LRIG3: variants seen among roughly 807,000 people sequenced by gnomAD.
LRIG3 encodes the protein leucine rich repeats and immunoglobulin like domains 3.
In LRIG3, 76 loss-of-function variants were observed where a neutral mutation model predicts 114.5. The observed-to-expected ratio is 0.66, with a 90% CI of 0.55 to 0.80. The LOEUF is 0.80. Ranked by LOEUF, LRIG3 falls within the 30% of genes least tolerant of loss-of-function variation. LRIG3 has a pLI of 0.00. For synonymous variants in LRIG3, 512 were observed against 519.8 expected (o/e 0.98, Z 0.20); for missense variants, 1,239 against 1,382.8 (o/e 0.90, Z 1.65).
intron 5 of LRIG3, 80 bp downstream of exon 5, chr12:58,889,916 C>T (rs1457933311): frequency 1.9e-5 from 28 of 1,512,448 alleles, no homozygotes; most frequent in Middle Eastern, 1.8e-4. Flanking sequence ...CTCCTTTTTG[C>T]CACATTGTAG....
At chr12:58,873,137 G>A (rs1592290842) in intron 18 of LRIG3, among the ~76,000 whole-genome samples, 1 of 152,254 alleles carries the variant, frequency 6.6e-6, no homozygotes, top group Admixed American at 6.5e-5. Context: ...TCCTAGCTGA[G>A]AGCCCAATTT....
Position 58,874,414 on chromosome 12 carries a change from C to T in LRIG3, c.2839+16G>A. Reference sequence around the variant, plus strand: ...TCTAAGAAACAGAACTGTACTCAAGCAAGAAAACCACCTACCTGTATGATA... The same window carrying T: ...TCTAAGAAACAGAACTGTACTCAAGTAAGAAAACCACCTACCTGTATGATA... On this transcript the variant is annotated intron_variant, in intron 17 of 18. Transcript: ENST00000320743. The T allele has an allele frequency of 6.2e-7, 1 of 1,613,826 alleles. No homozygotes were observed. Among genetic ancestry groups the T allele is most frequent in the African/African-American group, 1.3e-5 (1 of 75,000 alleles).
intron 3 of LRIG3, among the ~76,000 whole-genome samples, chr12:58,905,350 T>C (rs1872022017): frequency 6.6e-6 from 1 of 152,258 alleles, no homozygotes; most frequent in Non-Finnish European, 1.5e-5. Context: ...AATACAGCTC[T>C]GTGTATAGTA....
rs1434126851 is a variant in LRIG3 at position 58,920,391 on chromosome 12, C to G, written c.-156G>C. On this transcript the variant is annotated 5_prime_UTR_variant, in exon 1 of 19. Coordinates refer to ENST00000320743, the MANE Select transcript of LRIG3 (RefSeq NM_153377.5). Reference sequence around the variant, plus strand: ...GGTCAATTCCTTCTTTTACTCCCGGCGGCGAAGCCCTTTCATGCCCCCAAA... The same window carrying G: ...GGTCAATTCCTTCTTTTACTCCCGGGGGCGAAGCCCTTTCATGCCCCCAAA... 1.4e-5 allele frequency: 7 copies of G among 494,796 alleles called. No homozygotes were observed. The East Asian group carries it at 2.6e-4, about 18-fold the overall frequency. The allele number at this position is 494,796 out of a possible 1,614,324, so 30.7% of individuals were successfully genotyped here. A position where few individuals can be genotyped will look rare whatever the true frequency, so the allele number is the denominator to read the frequency against.
chr12:58,885,678 G>C (rs1302755176), intron 10 of LRIG3, among the ~76,000 whole-genome samples, 153 bp downstream of exon 10: 1 of 152,098 alleles, frequency 6.6e-6, no homozygotes, highest in Non-Finnish European at 1.5e-5. Flanking sequence ...GACAGAGAAA[G>C]AAATAGAAAG....
intron 1 of LRIG3, among the ~76,000 whole-genome samples, chr12:58,915,490 A>C (rs1238737149): frequency 6.6e-6 from 1 of 152,208 alleles, no homozygotes; most frequent in Non-Finnish European, 1.5e-5. Flanking sequence ...ATTAGAAATC[A>C]GAGTTCCTTT....
Position 58,887,784 on chromosome 12 carries a change from C to T in LRIG3, c.1091+5G>A. On this transcript the variant is annotated splice_donor_5th_base_variant and intron_variant, in intron 8 of 18. Transcript: ENST00000320743. ...CGAGTACTGACAGCAAAACGTGTAA[C>T]TTACAAAGTCTTTAAACTGGAAAGC... The T allele has an allele frequency of 6.2e-7, 1 of 1,612,852 alleles. No homozygotes were observed. Among genetic ancestry groups the T allele is most frequent in the Non-Finnish European group, 8.5e-7 (1 of 1,179,386 alleles).
intron 12 of LRIG3, 84 bp from the exon 13 acceptor site, chr12:58,880,985 C>A (rs1871110944): frequency 2.3e-6 from 3 of 1,314,568 alleles, no homozygotes; most frequent in Admixed American, 2.0e-5. Context: ...CCAAGAAATG[C>A]AAAAACAGTG....
chr12:58,905,556 T>A (rs553546848), intron 3 of LRIG3, among the ~76,000 whole-genome samples: 23 of 152,320 alleles, frequency 1.5e-4, no homozygotes, highest in African/African-American at 4.3e-4. Flanking sequence ...ATGTGTCCTC[T>A]CCAAAACTCA....
intron 6 of LRIG3, 56 bp from the exon 7 acceptor site, chr12:58,888,528 C>T: frequency 6.3e-7 from 1 of 1,592,452 alleles, no homozygotes; most frequent in South Asian, 1.1e-5. Context: ...CTAGTCTCTT[C>T]AAAGGGGACA....
In LRIG3 at chr12:58,877,700, C is replaced by CA; in HGVS notation, c.2235dup (p.Ala746CysfsTer16). The CA allele has an allele frequency of 6.2e-7, 1 of 1,614,084 alleles. No homozygotes were observed. On this transcript the variant is annotated frameshift_variant, in exon 15 of 19. Coordinates refer to ENST00000320743, the MANE Select transcript of LRIG3 (RefSeq NM_153377.5). LOFTEE classifies it high-confidence loss of function. ...ATAATCAGAAGCTGATTGCCTGCTG[C>CA]AAAAAAGTGCCTCTCGGTTACCACC...
chr12:58,913,196 T>C (rs748769331), intron 3 of LRIG3, among the ~76,000 whole-genome samples: 44 of 152,222 alleles, frequency 2.9e-4, no homozygotes, highest in Non-Finnish European at 5.1e-4. Flanking sequence ...TTTCCTTAAG[T>C]TGCTTAAAGA....
At chr12:58,885,754 G>A (rs1282127795) in intron 10 of LRIG3, 77 bp downstream of exon 10, 6 of 985,840 alleles carry the variant, frequency 6.1e-6, no homozygotes, top group Non-Finnish European at 8.8e-6. Context: ...ATTCCAGTTT[G>A]TTTTATCTTT....
chr12:58,918,421 A>C (rs545881967), intron 1 of LRIG3, among the ~76,000 whole-genome samples: 27 of 152,324 alleles, frequency 1.8e-4, no homozygotes, highest in Non-Finnish European at 3.4e-4. Context: ...TAAACATCTA[A>C]ATCCAGGAAA....
rs375499683 is a variant in LRIG3, at chr12:58,919,447, C to T, written c.236+553G>A. 3.2e-4 allele frequency: 497 copies of T among 1,551,570 alleles called. 3 individuals are homozygous for T. In the African/African-American group the frequency reaches 5.9e-3, roughly 18 times the overall value. ...CTTACGGTCTGCTAATGTGAAAAAGCAAGCAGAGGGAGAACAACAGAAGTA... is the reference window on the plus strand; with the variant it reads ...CTTACGGTCTGCTAATGTGAAAAAGTAAGCAGAGGGAGAACAACAGAAGTA... On this transcript the variant is annotated intron_variant, in intron 1 of 18. Coordinates refer to ENST00000320743, the MANE Select transcript of LRIG3 (RefSeq NM_153377.5).
In LRIG3 at chr12:58,914,351, A is replaced by G. The variant is rs747307876; in HGVS notation, c.237-15T>C. 3 of 1,597,412 alleles carry G rather than the reference A, an allele frequency of 1.9e-6. No homozygotes were observed. The Admixed American group carries it at 5.0e-5, about 27-fold the overall frequency. On this transcript the variant is annotated splice_polypyrimidine_tract_variant and intron_variant, in intron 1 of 18. Coordinates refer to ENST00000320743, the MANE Select transcript of LRIG3 (RefSeq NM_153377.5). ...GACTTAAGTCCCTATAAGAAAACAA[A>G]AATAAAATTATAAGTCATTTCTAAA...
Position 58,876,484 on chromosome 12 carries a change from A to G in LRIG3, c.2656T>C (p.Ser886Pro). The stretch of plus-strand genomic sequence containing the variant: ...TGTGGTAAGAAAAATCCAGCACCTG[A>G]AGATGTGACAAACTGGTGGTGGCTT... ...SGSHHQFVTS[S>P]GAGFFLPQHD... Residue 886 changes from serine (S) to proline (P), a missense_variant, in exon 16 of 19, where the codon TCA (serine) becomes CCA (proline). Transcript: ENST00000320743. 1 of 1,614,144 alleles carries G rather than the reference A, an allele frequency of 6.2e-7. No individual in the cohort carries two copies. The highest frequency in any genetic ancestry group is 8.5e-7 in the Non-Finnish European group (1 of 1,180,014).
chr12:58,919,682 T>A, intron 1 of LRIG3: 2 of 1,130,438 alleles, frequency 1.8e-6, no homozygotes, highest in Non-Finnish European at 2.4e-6. Flanking sequence ...GGAGCAAGCA[T>A]TTGAACCCCT....
In LRIG3 at chr12:58,874,221, C is replaced by CGTT. The variant is rs770144147; in HGVS notation, c.2948_2949insAAC (p.Arg983_Ser984insThr). 1.9e-6 allele frequency: 3 copies of CGTT among 1,614,202 alleles called. No individual in the cohort carries two copies. The South Asian group carries it at 3.3e-5, about 18-fold the overall frequency. ...AAGGCCACGATATATTACTGAAGCT[C>CGTT]CGTTCGCAGGATTCTTCTGAAGGAT... On this transcript the variant is annotated inframe_insertion, in exon 18 of 19. Coordinates refer to ENST00000320743, the MANE Select transcript of LRIG3 (RefSeq NM_153377.5).
Sources: gnomAD v4.1 joint callset for allele counts (sites outside exome capture counted in the v4.1 genomes callset) on GRCh38, gnomAD v4.1.1 for gene constraint, MANE v1.5 for transcripts, NCBI Gene and HGNC (gene_info 2026-07-23, HGNC 2026-07-21) for gene names.